FGD6: variants seen among roughly 807,000 people sequenced by gnomAD.
The protein encoded by FGD6 is FYVE, RhoGEF and PH domain containing 6.
Under a neutral mutation model 149.4 loss-of-function variants are expected in FGD6, and 90 were observed. The observed-to-expected ratio is 0.60, with a 90% CI of 0.51 to 0.72. FGD6 has a LOEUF of 0.72. Ranked by LOEUF, FGD6 falls within the 30% of genes least tolerant of loss-of-function variation. The pLI, the probability that FGD6 is intolerant of heterozygous loss-of-function variation, is 0.00. For missense variants in FGD6, 1,437 were observed against 1,684.8 expected (o/e 0.85, Z 2.57); for synonymous variants, 527 against 584.0 (o/e 0.90, Z 1.41).
chr12:95,169,178 C>T (rs1478634203), intron 3 of FGD6, among the ~76,000 whole-genome samples: 1 of 151,920 alleles, frequency 6.6e-6, no homozygotes, highest in South Asian at 2.1e-4. Flanking sequence ...TACAAAAACA[C>T]AGTTAGATAG....
intron 2 of FGD6, among the ~76,000 whole-genome samples, chr12:95,188,848 G>A (rs1381545199): frequency 1.3e-5 from 2 of 150,878 alleles, no homozygotes; most frequent in Non-Finnish European, 2.9e-5. Context: ...AGGTAAAGCA[G>A]GCAGAGAGGA....
At chr12:95,143,437 G>C (rs1879915513) in intron 5 of FGD6, among the ~76,000 whole-genome samples, 1 of 151,990 alleles carries the variant, frequency 6.6e-6, no homozygotes, top group Admixed American at 6.6e-5. Flanking sequence ...TTTCACTTAG[G>C]ACTCAGTACC....
intron 14 of FGD6, among the ~76,000 whole-genome samples, chr12:95,102,636 A>G (rs1336826251): frequency 1.3e-5 from 2 of 152,042 alleles, no homozygotes; most frequent in African/African-American, 2.4e-5. Flanking sequence ...AGACACAGGT[A>G]TTTGTCTTCT....
rs1198999488 is a variant in FGD6 at position 95,141,548 on chromosome 12, G to T, written c.2686-9C>A. On this transcript the variant is annotated splice_polypyrimidine_tract_variant and intron_variant, in intron 5 of 20. Coordinates refer to ENST00000343958, the MANE Select transcript of FGD6 (RefSeq NM_018351.4). ...ACTGCATCCCGGAAATCCTATTACA[G>T]TCCAGAGCAGGAAAAACAATACACA... 6.2e-7 allele frequency: 1 copy of T among 1,613,816 alleles called. No homozygotes were observed.
chr12:95,175,655 G>T (rs1881112465), intron 2 of FGD6, among the ~76,000 whole-genome samples: 2 of 151,936 alleles, frequency 1.3e-5, no homozygotes, highest in South Asian at 4.2e-4. Flanking sequence ...TGAGGCAGAA[G>T]AATCACTGGA....
At position 95,084,503 on chromosome 12, in the gene FGD6, A is replaced by G. The variant is rs1877795053; in HGVS notation, c.4251T>C (p.Ala1417=). 6.4e-7 allele frequency: 1 copy of G among 1,560,142 alleles called. No homozygotes were observed. Among genetic ancestry groups the G allele is most frequent in the Non-Finnish European group, 8.6e-7 (1 of 1,161,288 alleles). Residue 1417 remains alanine (A), a synonymous_variant, in exon 20 of 21, where the codon GCT becomes GCC. Coordinates refer to ENST00000343958, the MANE Select transcript of FGD6 (RefSeq NM_018351.4). ...YVFKAEDAHS[A]QKWIEAFQEG... is the part of the protein sequence containing the mutation. ...AATATGGCCAGATTACTTACTTCTG[A>G]GCCGAATGAGCATCCTCTGCTTTGA...
intron 14 of FGD6, among the ~76,000 whole-genome samples, chr12:95,097,622 G>A (rs1012703141): frequency 6.7e-5 from 8 of 118,630 alleles, no homozygotes; most frequent in African/African-American, 2.3e-4. Flanking sequence ...GGCAACAAGT[G>A]AGACTCTGTC....
intron 5 of FGD6, among the ~76,000 whole-genome samples, chr12:95,143,284 T>G (rs1437455357): frequency 5.4e-5 from 3 of 56,042 alleles, no homozygotes; most frequent in South Asian, 8.2e-4. Context: ...ATGAGGTTTG[T>G]TTTTTTTTGT....
Position 95,113,506 on chromosome 12 carries a change from G to C in FGD6, c.3133+145C>G. On this transcript the variant is annotated intron_variant, in intron 9 of 20. Coordinates refer to ENST00000343958, the MANE Select transcript of FGD6 (RefSeq NM_018351.4). Reference sequence around the variant, plus strand: ...CCGCCTCGGCCTCCCAAACTGCTGGGATTACAGGTGTGAGCCACCGCACCT... The same window carrying C: ...CCGCCTCGGCCTCCCAAACTGCTGGCATTACAGGTGTGAGCCACCGCACCT... The C allele has an allele frequency of 6.2e-6, 4 of 646,402 alleles. No individual in the cohort carries two copies. The South Asian group carries it at 7.3e-5, about 12-fold the overall frequency. The allele number at this position is 646,402 out of a possible 1,614,324, so 40.0% of individuals were successfully genotyped here. A position where few individuals can be genotyped will look rare whatever the true frequency, so the allele number is the denominator to read the frequency against.
chr12:95,145,413 C>T (rs983173775), intron 5 of FGD6, among the ~76,000 whole-genome samples: 1 of 152,158 alleles, frequency 6.6e-6, no homozygotes, highest in Non-Finnish European at 1.5e-5. Context: ...ACCTCCCACC[C>T]TTTATATTGT....
intron 2 of FGD6, among the ~76,000 whole-genome samples, chr12:95,197,780 A>G (rs1389360098): frequency 6.6e-6 from 1 of 152,224 alleles, no homozygotes; most frequent in Admixed American, 6.5e-5. Context: ...GGGAAATATG[A>G]GACATGCATA....
In FGD6 at chr12:95,141,381, T is replaced by C. The variant is rs1232126777; in HGVS notation, c.2837+7A>G. The stretch of plus-strand genomic sequence containing the variant: ...ACTAGGAAAATCTGAAAACGGTCCA[T>C]TTTTACCAGTGCAACATTCTTTCCT... On this transcript the variant is annotated splice_region_variant and intron_variant, in intron 6 of 20. Transcript: ENST00000343958. 1 of 1,613,242 alleles carries C rather than the reference T, an allele frequency of 6.2e-7. No homozygotes were observed. Among genetic ancestry groups the C allele is most frequent in the South Asian group, 1.1e-5 (1 of 90,900 alleles).
chr12:95,179,124 C>G (rs969675813), intron 2 of FGD6, among the ~76,000 whole-genome samples: 1 of 152,128 alleles, frequency 6.6e-6, no homozygotes, highest in African/African-American at 2.4e-5. Flanking sequence ...GAAGCAACCT[C>G]CACCTTTGCG....
chr12:95,102,269 C>A (rs866187548), intron 14 of FGD6, among the ~76,000 whole-genome samples: 1 of 151,662 alleles, frequency 6.6e-6, no homozygotes, highest in Non-Finnish European at 1.5e-5. Flanking sequence ...CATGGTGAAA[C>A]CCTGTCTCTA....
intron 8 of FGD6, among the ~76,000 whole-genome samples, chr12:95,129,268 C>T (rs1434826900): frequency 2.9e-5 from 4 of 138,830 alleles, no homozygotes; most frequent in African/African-American, 1.1e-4. Context: ...TTAATCCATC[C>T]GTCCATGCAT....
chr12:95,159,702 T>C (rs959059237), intron 3 of FGD6, among the ~76,000 whole-genome samples: 1 of 152,046 alleles, frequency 6.6e-6, no homozygotes, highest in Non-Finnish European at 1.5e-5. Context: ...GGCATGGTGG[T>C]GCACACATGT....
chr12:95,087,836 T>C (rs958645467), intron 18 of FGD6, among the ~76,000 whole-genome samples: 1 of 152,144 alleles, frequency 6.6e-6, no homozygotes, highest in Non-Finnish European at 1.5e-5. Flanking sequence ...ATTAGAAATA[T>C]TTGTTAAGCA....
chr12:95,172,383 T>G (rs1200868964), intron 3 of FGD6, among the ~76,000 whole-genome samples: 1 of 152,152 alleles, frequency 6.6e-6, no homozygotes, highest in East Asian at 1.9e-4. Context: ...CTCAAAATAA[T>G]AATTTCTCAA....
At chr12:95,199,752 G>A (rs918993600) in intron 2 of FGD6, among the ~76,000 whole-genome samples, 2 of 151,674 alleles carry the variant, frequency 1.3e-5, no homozygotes, top group East Asian at 3.9e-4. Flanking sequence ...CTACAGGCAC[G>A]TGCCACAACA....
Sources: gnomAD v4.1 joint callset for allele counts (sites outside exome capture counted in the v4.1 genomes callset) on GRCh38, gnomAD v4.1.1 for gene constraint, MANE v1.5 for transcripts, NCBI Gene and HGNC (gene_info 2026-07-23, HGNC 2026-07-21) for gene names.